JAK2: variants seen among roughly 807,000 people sequenced by gnomAD.
The protein encoded by JAK2 is tyrosine-protein kinase JAK2.
A neutral mutation model predicts 139.3 loss-of-function variants in JAK2; 86 were observed. The observed-to-expected ratio is 0.62, with a 90% CI of 0.52 to 0.74. The LOEUF (loss-of-function observed/expected upper bound fraction) is 0.74. Ranked by LOEUF, JAK2 falls within the 30% of genes least tolerant of loss-of-function variation. JAK2 has a pLI of 0.00. For missense variants in JAK2, 1,421 were observed against 1,360.3 expected, an observed-to-expected ratio of 1.04 and a Z score of -0.70; for synonymous variants, 490 against 437.7, an observed-to-expected ratio of 1.12 and a Z score of -1.49.
intron 8 of JAK2, among the ~76,000 whole-genome samples, chr9:5,058,643 G>C (rs1817938946): frequency 6.6e-6 from 1 of 152,168 alleles, no homozygotes; most frequent in South Asian, 2.1e-4. Flanking sequence ...GTTTTCCATA[G>C]CAGCGGCACC....
At chr9:5,043,851 G>T (rs975937218) in intron 4 of JAK2, among the ~76,000 whole-genome samples, 1 of 152,166 alleles carries the variant, frequency 6.6e-6, no homozygotes, top group Non-Finnish European at 1.5e-5. Context: ...AGACAGAAAG[G>T]CCACATGTTC....
At chr9:5,085,427 T>C in intron 19 of JAK2, 1 of 749,774 alleles carries the variant, frequency 1.3e-6, no homozygotes. Context: ...CTGTTGGCTA[T>C]CAGGCTCGCA....
intron 23 of JAK2, among the ~76,000 whole-genome samples, chr9:5,124,024 A>G (rs1056504463): frequency 3.3e-5 from 5 of 151,142 alleles, no homozygotes; most frequent in African/African-American, 1.2e-4. Flanking sequence ...GAAAATGTCT[A>G]TTGATCTCCT....
At chr9:4,993,131 G>T (rs968227615) in intron 2 of JAK2, among the ~76,000 whole-genome samples, 2 of 152,128 alleles carry the variant, frequency 1.3e-5, no homozygotes, top group African/African-American at 4.8e-5. Flanking sequence ...CTTCCTGTGT[G>T]TAAGTTTATA....
intron 18 of JAK2, among the ~76,000 whole-genome samples, chr9:5,081,264 T>G (rs553318306): frequency 6.6e-6 from 1 of 151,988 alleles, no homozygotes; most frequent in East Asian, 1.9e-4. Flanking sequence ...ATAGTATTTT[T>G]TTTTTGCTTA....
rs58042774 is a variant in JAK2 at position 5,089,537 on chromosome 9, C to CAAA, written c.2572-111_2572-109dup. ...TGGGTGACAGAGCGAGACTTCGTCT[C>CAAA]AAAAAAAAAAAAAAAAAAAAAAAAA... is the stretch of plus-strand genomic sequence containing the variant. On this transcript the variant is annotated intron_variant, in intron 19 of 24. Coordinates refer to ENST00000381652, the MANE Select transcript of JAK2 (RefSeq NM_004972.4). The CAAA allele has an allele frequency of 2.4e-4, 21 of 87,082 alleles. 1 individual carries two copies. Among genetic ancestry groups the CAAA allele is most frequent in the Admixed American group, 3.8e-4 (2 of 5,250 alleles). The allele number at this position is 87,082 out of a possible 1,614,324, so 5.4% of individuals were successfully genotyped here. A position where few individuals can be genotyped will look rare whatever the true frequency, so the allele number is the denominator to read the frequency against.
At chr9:5,042,581 TG>T (rs1816671650) in intron 4 of JAK2, among the ~76,000 whole-genome samples, 1 of 147,458 alleles carries the variant, frequency 6.8e-6, no homozygotes, top group African/African-American at 2.6e-5. Flanking sequence ...AGTGGGATCC[TG>T]GAGGCCCCCA....
chr9:5,098,935 C>T (rs553954175), intron 22 of JAK2: 2 of 152,100 alleles, frequency 1.3e-5, no homozygotes. Flanking sequence ...ACGTTGTGTT[C>T]CACCCACTTC....
At chr9:5,071,065 C>G (rs1307670484) in intron 12 of JAK2, among the ~76,000 whole-genome samples, 1 of 152,260 alleles carries the variant, frequency 6.6e-6, no homozygotes, top group African/African-American at 2.4e-5. Context: ...GAAAAGGAGT[C>G]TCTCCTAAGA....
At chr9:5,070,121 A>G (rs1358576163) in intron 12 of JAK2, 69 bp downstream of exon 12, 5 of 1,114,718 alleles carry the variant, frequency 4.5e-6, no homozygotes, top group East Asian at 2.6e-5. Context: ...CTTGATTTAC[A>G]TTCATGTGAC....
At chr9:5,015,099 T>C (rs1228883352) in intron 2 of JAK2, among the ~76,000 whole-genome samples, 1 of 152,188 alleles carries the variant, frequency 6.6e-6, no homozygotes, top group East Asian at 1.9e-4. Context: ...CCATGTTGCA[T>C]AAAGCTATAG....
At chr9:5,104,981 C>G (rs1232683560) in intron 22 of JAK2, among the ~76,000 whole-genome samples, 3 of 152,180 alleles carry the variant, frequency 2.0e-5, no homozygotes, top group Admixed American at 1.3e-4. Flanking sequence ...TGGAAGCATT[C>G]CCTTTGAAAA....
intron 4 of JAK2, among the ~76,000 whole-genome samples, chr9:5,037,184 G>A (rs10481523): frequency 0.27 from 41,556 of 151,500 alleles, 5,835 homozygotes; most frequent in African/African-American, 0.35. Context: ...TTAGAATGGC[G>A]ATCATTAAAA....
intron 4 of JAK2, chr9:5,041,354 A>C (rs1586687038): frequency 1.6e-6 from 1 of 638,364 alleles, no homozygotes; most frequent in Non-Finnish European, 2.9e-6. Context: ...GGCGTGCTAC[A>C]TGAGCATCAA....
chr9:5,016,726 T>C (rs1056597744), intron 2 of JAK2, among the ~76,000 whole-genome samples: 3 of 152,128 alleles, frequency 2.0e-5, no homozygotes, highest in African/African-American at 7.2e-5. Flanking sequence ...TCCCTGTACC[T>C]CCTGCCAGTT....
intron 4 of JAK2, among the ~76,000 whole-genome samples, chr9:5,030,738 TA>T (rs1192805750): frequency 6.6e-6 from 1 of 152,110 alleles, no homozygotes. Context: ...GCTCTCTCAA[TA>T]AATTTTAGTA....
chr9:5,030,050 A>G (rs977661032), intron 4 of JAK2, 144 bp downstream of exon 4: 3 of 654,232 alleles, frequency 4.6e-6, no homozygotes, highest in Middle Eastern at 4.1e-4. Flanking sequence ...TTAAGATTCT[A>G]TTCTGTTTCT....
At position 5,066,732 on chromosome 9, in the gene JAK2, T is replaced by C. The variant is rs1296979422; in HGVS notation, c.1269T>C (p.Tyr423=). The part of the protein sequence containing the change: ...LKKAGNQTGL[Y]VLRCSPKDFN... ...AAGCAGGTAATCAGACTGGACTGTA[T>C]GTACTTCGATGCAGTCCTAAGGACT... The change falls in exon 10 of 25, where the codon TAT becomes TAC. Residue 423 remains tyrosine, a synonymous_variant. Coordinates refer to ENST00000381652, the MANE Select transcript of JAK2 (RefSeq NM_004972.4). 1 of 1,608,202 alleles carries C rather than the reference T, an allele frequency of 6.2e-7. No individual in the cohort carries two copies. The highest frequency in any genetic ancestry group is 1.1e-5 in the South Asian group (1 of 90,372).
At chr9:5,114,051 G>C (rs1387201167) in intron 22 of JAK2, 2 of 324,680 alleles carry the variant, frequency 6.2e-6, no homozygotes, top group African/African-American at 4.3e-5. Flanking sequence ...GGATGAGCTG[G>C]CCTCCACACA....
Sources: allele counts gnomAD v4.1 joint callset (sites outside exome capture counted in the v4.1 genomes callset), GRCh38; gene constraint gnomAD v4.1.1; transcripts MANE v1.5; gene names NCBI Gene and HGNC (gene_info 2026-07-23, HGNC 2026-07-21).